Variants in MAP4 observed in about 807,000 individuals in gnomAD.
The protein encoded by MAP4 is microtubule-associated protein 4.
MAP4 carries 76 observed loss-of-function variants against 170.2 expected under a neutral mutation model. The observed-to-expected ratio is 0.45, with a 90% CI of 0.37 to 0.54. MAP4 has a LOEUF of 0.54. MAP4 is among the 20% of genes least tolerant of loss of function. MAP4 has a pLI of 0.00. For synonymous variants in MAP4, 909 were observed against 994.5 expected, an observed-to-expected ratio of 0.91 and a Z score of 1.62; for missense variants, 2,506 against 2,748.0, an observed-to-expected ratio of 0.91 and a Z score of 1.97.
intron 3 of MAP4, among the ~76,000 whole-genome samples, chr3:47,965,764 A>T (rs971413403): frequency 5.9e-5 from 9 of 152,014 alleles, no homozygotes; most frequent in African/African-American, 2.2e-4. Context: ...TGAGCTCTAG[A>T]AGTTATTTAC....
In MAP4 at chr3:47,998,846, A is replaced by G. The variant is rs1283128334; in HGVS notation, c.15T>C (p.Ser5=). 6.2e-7 allele frequency: 1 copy of G among 1,614,010 alleles called. No homozygotes were observed. Among genetic ancestry groups the G allele is most frequent in the South Asian group, 1.1e-5 (1 of 91,080 alleles). MADL[S]LADALTEPSP... is the part of the protein sequence containing the mutation. ...ATGGTTCTGTTAATGCATCTGCAAG[A>G]CTGAGGTCAGCCATTCTGCACCACT... The change falls in exon 2 of 21, where the codon AGT becomes AGC. Residue 5 remains serine (S), a synonymous_variant. Transcript: ENST00000683076.
intron 1 of MAP4, among the ~76,000 whole-genome samples, chr3:48,029,596 G>A (rs1055328648): frequency 1.3e-5 from 2 of 152,200 alleles, no homozygotes; most frequent in East Asian, 3.9e-4. Flanking sequence ...TCCTAAGGTA[G>A]TAATCTGAAC....
intron 1 of MAP4, 45 bp from the exon 2 acceptor site, chr3:47,998,924 A>C: frequency 9.5e-7 from 1 of 1,051,798 alleles, no homozygotes; most frequent in South Asian, 1.3e-5. Context: ...GCACTGCAAA[A>C]GGAAAAACAT....
chr3:48,055,194 C>CCGTCCCCGTCCCCG (rs1249720496), intron 1 of MAP4, among the ~76,000 whole-genome samples: 1 of 98,652 alleles, frequency 1.0e-5, no homozygotes, highest in African/African-American at 3.0e-5. Flanking sequence ...CTCCCTCTCC[C>CCGTCCCCGTCCCCG]TCTCCGTCTC....
Position 47,858,910 on chromosome 3 carries a change from C to T in MAP4, c.6502-1398G>A, listed in dbSNP as rs558535227. The stretch of plus-strand genomic sequence containing the variant: ...TTGGGAGGCTAAGGCGGGCGGATCA[C>T]GAGGTCAGGAGATCGAGACCATCCT... On this transcript the variant is annotated intron_variant, in intron 17 of 20. Coordinates refer to ENST00000683076, the MANE Select transcript of MAP4 (RefSeq NM_001385682.1). 2.6e-5 allele frequency among the ~76,000 whole-genome samples: 4 copies of T among 152,194 alleles called. No homozygotes were observed. In the South Asian group the frequency reaches 6.2e-4, roughly 24 times the overall value.
At chr3:47,891,341 G>A in intron 10 of MAP4, 1 of 1,536,146 alleles carries the variant, frequency 6.5e-7, no homozygotes, top group Non-Finnish European at 8.7e-7. Context: ...ACAGATGAAA[G>A]GAGGTATCTC....
intron 9 of MAP4, among the ~76,000 whole-genome samples, chr3:47,903,474 AGT>A (rs1292738540): frequency 6.6e-6 from 1 of 150,938 alleles, no homozygotes; most frequent in Non-Finnish European, 1.5e-5. Flanking sequence ...CAGAGCGTGC[AGT>A]GAGCCGAGAT....
chr3:47,889,114 A>G (rs564436815), intron 10 of MAP4, among the ~76,000 whole-genome samples: 1 of 152,364 alleles, frequency 6.6e-6, no homozygotes, highest in South Asian at 2.1e-4. Flanking sequence ...GCAAAAAGAG[A>G]TGACAGAGGA....
intron 10 of MAP4, among the ~76,000 whole-genome samples, chr3:47,884,353 A>AT (rs2097243230): frequency 6.6e-6 from 1 of 152,044 alleles, no homozygotes; most frequent in African/African-American, 2.4e-5. Context: ...TGTAACTTCT[A>AT]TTTCTTTACT....
chr3:47,972,834 C>T (rs553179373), intron 3 of MAP4, among the ~76,000 whole-genome samples: 1 of 150,722 alleles, frequency 6.6e-6, no homozygotes, highest in African/African-American at 2.4e-5. Flanking sequence ...TGCAATGAGC[C>T]GAGATCATGC....
rs2100059947 is a variant in MAP4, at chr3:47,946,401, C to G, written c.293-18051G>C. On this transcript the variant is annotated intron_variant, in intron 3 of 20. Coordinates refer to ENST00000683076, the MANE Select transcript of MAP4 (RefSeq NM_001385682.1). ...GGGCATGATGGCTCACGCCTGTAAT[C>G]CCAGCATTTTGGGAGGCTGAGGTGG... Among the ~76,000 whole-genome samples the G allele has an allele frequency of 2.0e-5, 3 of 151,414 alleles. No individual in the cohort carries two copies. In the South Asian group the frequency reaches 6.3e-4, roughly 32 times the overall value.
At position 47,909,223 on chromosome 3, in the gene MAP4, G is replaced by A. The variant is rs2100034683; in HGVS notation, c.5198C>T (p.Thr1733Ile). ...LPEPKDKILE[T>I]PQKMTEKSES... ...AGATTTTTCTGTCATTTTCTGAGGT[G>A]TCTCCAAAATCTTATCTTTGGGTTC... is the stretch of plus-strand genomic sequence containing the variant. The change falls in exon 9 of 21, where the codon ACA becomes ATA. Residue 1733 changes from threonine to isoleucine, a missense_variant. Physicochemically the swap from Thr to Ile is moderately conservative, Grantham distance 89. Coordinates refer to ENST00000683076, the MANE Select transcript of MAP4 (RefSeq NM_001385682.1). The A allele has an allele frequency of 6.2e-7, 1 of 1,613,696 alleles. No homozygotes were observed. Among genetic ancestry groups the A allele is most frequent in the African/African-American group, 1.3e-5 (1 of 74,848 alleles).
At chr3:47,897,133 C>G (rs958003967) in intron 10 of MAP4, among the ~76,000 whole-genome samples, 1 of 151,968 alleles carries the variant, frequency 6.6e-6, no homozygotes, top group African/African-American at 2.4e-5. Context: ...TTCGATGTAT[C>G]TTTATTTTTT....
chr3:48,064,678 T>A (rs1313843406), intron 1 of MAP4, among the ~76,000 whole-genome samples: 1 of 152,096 alleles, frequency 6.6e-6, no homozygotes, highest in Non-Finnish European at 1.5e-5. Context: ...TTCTAAGAAA[T>A]GTGTTAGGTG....
At chr3:47,954,719 T>C (rs1157943490) in intron 3 of MAP4, among the ~76,000 whole-genome samples, 1 of 152,218 alleles carries the variant, frequency 6.6e-6, no homozygotes, top group Non-Finnish European at 1.5e-5. Context: ...AAAATGCTAC[T>C]GTGGCCTATC....
Position 48,057,673 on chromosome 3 carries a change from C to A in MAP4, c.-20+31100G>T, listed in dbSNP as rs558028573. 2.0e-5 allele frequency among the ~76,000 whole-genome samples: 3 copies of A among 147,878 alleles called. No homozygotes were observed. The East Asian group carries it at 5.9e-4, about 29-fold the overall frequency. ...AAAAAAAAAAAAAGTAAGCATGCGA[C>A]TACCATATGGCCTAGCAACTGTACT... is the stretch of plus-strand genomic sequence containing the variant. On this transcript the variant is annotated intron_variant, in intron 1 of 18. Transcript: ENST00000360240.
intron 10 of MAP4, among the ~76,000 whole-genome samples, chr3:47,883,231 T>C (rs1409796948): frequency 3.9e-5 from 6 of 152,202 alleles, no homozygotes; most frequent in South Asian, 2.1e-4. Context: ...AAGTCTATTA[T>C]ATTCCTTTTT....
intron 2 of MAP4, among the ~76,000 whole-genome samples, chr3:47,984,597 T>TG (rs2100087463): frequency 7.1e-6 from 1 of 140,278 alleles, no homozygotes; most frequent in Non-Finnish European, 1.6e-5. Flanking sequence ...TTTGGGAGGG[T>TG]GGGGAGAGCA....
At chr3:47,892,442 T>C in intron 10 of MAP4, 4 of 1,536,174 alleles carry the variant, frequency 2.6e-6, no homozygotes, top group Non-Finnish European at 3.5e-6. Flanking sequence ...CTTACTGAGC[T>C]GACCGTACGC....
Sources: gnomAD v4.1 joint callset for allele counts (sites outside exome capture counted in the v4.1 genomes callset) on GRCh38, gnomAD v4.1.1 for gene constraint, MANE v1.5 for transcripts, NCBI Gene and HGNC (gene_info 2026-07-23, HGNC 2026-07-21) for gene names.